RBM20: variants seen among roughly 807,000 people sequenced by gnomAD.
RBM20 encodes RNA binding motif protein 20, also known as RNA-binding protein 20.
Under a neutral mutation model 110.1 loss-of-function variants are expected in RBM20, and 51 were observed. That is an observed-to-expected ratio of 0.46 (90% CI 0.37 to 0.59). The LOEUF is 0.59. Among genes scored for constraint, RBM20 ranks in the 20% least tolerant of loss-of-function variants. The pLI, the probability that RBM20 is intolerant of heterozygous loss-of-function variation, is 0.00. For synonymous variants in RBM20, 589 were observed against 618.2 expected, an observed-to-expected ratio of 0.95 and a Z score of 0.70; for missense variants, 1,512 against 1,574.9, an observed-to-expected ratio of 0.96 and a Z score of 0.68.
rs1221673893 is a variant in RBM20 at position 110,837,997 on chromosome 10, A to T, written c.*2019A>T. 6.6e-6 allele frequency: 1 copy of T among 152,222 alleles called. No individual in the cohort carries two copies. The highest frequency in any genetic ancestry group is 1.5e-5 in the Non-Finnish European group (1 of 68,054). The allele number at this position is 152,222 out of a possible 1,614,324, so 9.4% of individuals were successfully genotyped here. Reference sequence around the variant, plus strand: ...CATGTTGAAGTTCTGTCTTCCAGGAAATCAGGAGAGAGAGAGAGAGAAAGA... The same window carrying T: ...CATGTTGAAGTTCTGTCTTCCAGGATATCAGGAGAGAGAGAGAGAGAAAGA... On this transcript the variant is annotated 3_prime_UTR_variant, in exon 14 of 14. Transcript: ENST00000369519.
At chr10:110,662,847 G>A (rs11593956) in intron 1 of RBM20, among the ~76,000 whole-genome samples, 33,276 of 152,048 alleles carry the variant, frequency 0.22, 4,669 homozygotes, top group Middle Eastern at 0.34. Flanking sequence ...CTGAGATTAG[G>A]CAGCCTGTAG....
At chr10:110,831,361 T>A in intron 13 of RBM20, 179 bp downstream of exon 13, 1 of 588,076 alleles carries the variant, frequency 1.7e-6, no homozygotes, top group Non-Finnish European at 2.9e-6. Flanking sequence ...TCTGCTTCTG[T>A]GTCTGTCTCC....
intron 1 of RBM20, among the ~76,000 whole-genome samples, chr10:110,769,826 G>A (rs1392092006): frequency 1.3e-5 from 2 of 151,730 alleles, no homozygotes; most frequent in African/African-American, 2.4e-5. Flanking sequence ...TCAAGTGATC[G>A]TCCCACCTGA....
Position 110,675,339 on chromosome 10 carries a change from C to T in RBM20, c.191+30694C>T, listed in dbSNP as rs541997121. Among the ~76,000 whole-genome samples the T allele has an allele frequency of 7.4e-4, 113 of 152,230 alleles. 1 individual carries two copies. The South Asian group carries it at 0.014, about 19-fold the overall frequency. ...GGGAGGAGGCTCCAAAGTTAAGAAG[C>T]GAGGCTTATCCTTGAGATCATGGCC... On this transcript the variant is annotated intron_variant, in intron 1 of 13. Transcript: ENST00000369519.
At chr10:110,738,609 G>A (rs779874782) in intron 1 of RBM20, among the ~76,000 whole-genome samples, 23 of 152,144 alleles carry the variant, frequency 1.5e-4, no homozygotes, top group Middle Eastern at 3.2e-3. Flanking sequence ...CATAGGAAGT[G>A]GATCTGGGCT....
intron 1 of RBM20, among the ~76,000 whole-genome samples, chr10:110,758,278 A>C (rs1292113022): frequency 6.6e-6 from 1 of 151,898 alleles, no homozygotes; most frequent in Non-Finnish European, 1.5e-5. Flanking sequence ...CAGCCTCTCA[A>C]AGTGTTGGGA....
At chr10:110,667,217 T>C (rs1169537977) in intron 1 of RBM20, among the ~76,000 whole-genome samples, 3 of 152,194 alleles carry the variant, frequency 2.0e-5, no homozygotes, top group Non-Finnish European at 4.4e-5. Flanking sequence ...CTGCAGTGCA[T>C]TCACCAAGAT....
At chr10:110,712,169 A>G (rs774331228) in intron 1 of RBM20, among the ~76,000 whole-genome samples, 1 of 152,234 alleles carries the variant, frequency 6.6e-6, no homozygotes, top group South Asian at 2.1e-4. Flanking sequence ...GAAATGATGC[A>G]TCAGACCAAA....
rs1257564199 is a variant in RBM20, at chr10:110,839,200, C to T, written c.*3222C>T. 6.6e-6 allele frequency: 1 copy of T among 152,122 alleles called. No individual in the cohort carries two copies. The highest frequency in any genetic ancestry group is 6.5e-5 in the Admixed American group (1 of 15,278). The allele number at this position is 152,122 out of a possible 1,614,324, so 9.4% of individuals were successfully genotyped here. The stretch of plus-strand genomic sequence containing the variant: ...AAAATCTGATGGTGTGAGCAGCAGC[C>T]GTTAGTATCAGGGTTTCCCATTCTT... On this transcript the variant is annotated 3_prime_UTR_variant, in exon 14 of 14. Coordinates refer to ENST00000369519, the MANE Select transcript of RBM20 (RefSeq NM_001134363.3).
chr10:110,698,016 T>C (rs1190127179), intron 1 of RBM20, among the ~76,000 whole-genome samples: 1 of 151,726 alleles, frequency 6.6e-6, no homozygotes, highest in Admixed American at 6.6e-5. Flanking sequence ...CACGCCATTC[T>C]CCTGCCTCAG....
At chr10:110,699,080 G>T (rs554748149) in intron 1 of RBM20, among the ~76,000 whole-genome samples, 101 of 152,236 alleles carry the variant, frequency 6.6e-4, no homozygotes, top group Admixed American at 1.4e-3. Flanking sequence ...GTCATGCACA[G>T]GCAATGCAAG....
chr10:110,757,834 A>G (rs1031162016), intron 1 of RBM20, among the ~76,000 whole-genome samples: 3 of 151,980 alleles, frequency 2.0e-5, no homozygotes, highest in African/African-American at 7.3e-5. Context: ...CTTAGACATT[A>G]TGGTGGCCCA....
intron 1 of RBM20, among the ~76,000 whole-genome samples, chr10:110,757,101 C>A (rs1843931276): frequency 6.6e-6 from 1 of 152,206 alleles, no homozygotes; most frequent in Non-Finnish European, 1.5e-5. Context: ...CTGTTAGCTT[C>A]CAGTCCCCCA....
At chr10:110,764,153 C>T (rs1844046977) in intron 1 of RBM20, among the ~76,000 whole-genome samples, 1 of 152,166 alleles carries the variant, frequency 6.6e-6, no homozygotes, top group Non-Finnish European at 1.5e-5. Context: ...GTTTCAGGAG[C>T]TTTGCTGGCT....
chr10:110,719,354 G>A (rs767327524), intron 1 of RBM20, among the ~76,000 whole-genome samples: 6 of 152,212 alleles, frequency 3.9e-5, no homozygotes, highest in Non-Finnish European at 5.9e-5. Flanking sequence ...TTGGTCTCTT[G>A]CATTTCCCCT....
intron 5 of RBM20, among the ~76,000 whole-genome samples, chr10:110,786,886 T>C (rs1163569638): frequency 6.6e-6 from 1 of 152,038 alleles, no homozygotes; most frequent in African/African-American, 2.4e-5. Context: ...GGGGTCTGGG[T>C]ACGGGGAAGA....
At chr10:110,826,674 C>G (rs1301189527) in intron 12 of RBM20, among the ~76,000 whole-genome samples, 1 of 151,982 alleles carries the variant, frequency 6.6e-6, no homozygotes, top group Non-Finnish European at 1.5e-5. Context: ...CCTCCACCTC[C>G]TGGGTTCAAG....
chr10:110,742,195 C>T (rs1843732523), intron 1 of RBM20, among the ~76,000 whole-genome samples: 1 of 152,020 alleles, frequency 6.6e-6, no homozygotes, highest in Non-Finnish European at 1.5e-5. Context: ...GGAATCTGCT[C>T]TCTCCAGCCT....
At chr10:110,766,126 T>G (rs988717515) in intron 1 of RBM20, among the ~76,000 whole-genome samples, 1 of 152,202 alleles carries the variant, frequency 6.6e-6, no homozygotes, top group African/African-American at 2.4e-5. Flanking sequence ...AAAATCAGTC[T>G]TCAAGCTTTA....
Sources: allele counts gnomAD v4.1 joint callset (sites outside exome capture counted in the v4.1 genomes callset), GRCh38; gene constraint gnomAD v4.1.1; transcripts MANE v1.5; gene names NCBI Gene and HGNC (gene_info 2026-07-23, HGNC 2026-07-21).